WWOX: variants seen among roughly 807,000 people sequenced by gnomAD.
The protein encoded by WWOX is WW domain-containing oxidoreductase.
A neutral mutation model predicts 46.2 loss-of-function variants in WWOX; 69 were observed. The observed-to-expected ratio is 1.49, with a 90% CI of 1.23 to 1.82. The LOEUF is 1.82. WWOX is among the 40% of genes most tolerant of loss of function. The pLI, the probability that WWOX is intolerant of heterozygous loss-of-function variation, is 0.00. For synonymous variants in WWOX, 359 were observed against 202.6 expected (o/e 1.77, Z -6.56); for missense variants, 919 against 542.6 (o/e 1.69, Z -6.89).
chr16:78,731,746 A>C (rs1023209535), intron 8 of WWOX, among the ~76,000 whole-genome samples: 1 of 152,240 alleles, frequency 6.6e-6, no homozygotes, highest in Non-Finnish European at 1.5e-5. Context: ...CAGACTGGGC[A>C]GTAGTTCCCT....
chr16:78,699,547 G>A (rs576926141), intron 8 of WWOX, among the ~76,000 whole-genome samples: 4 of 152,152 alleles, frequency 2.6e-5, no homozygotes, highest in Non-Finnish European at 5.9e-5. Context: ...TCAAGAAACC[G>A]AAAAACGAAA....
In WWOX at chr16:78,612,049, G is replaced by A. The variant is rs147550235; in HGVS notation, c.1056+179297G>A. On this transcript the variant is annotated intron_variant, in intron 8 of 8. Coordinates refer to ENST00000566780, the MANE Select transcript of WWOX (RefSeq NM_016373.4). Reference sequence around the variant, plus strand: ...AGACTTCTCAAGCAAGTTGGATCCTGGTGTGCACCTGGCATATCCTTTAGG... The same window carrying A: ...AGACTTCTCAAGCAAGTTGGATCCTAGTGTGCACCTGGCATATCCTTTAGG... Among the ~76,000 whole-genome samples the A allele has an allele frequency of 3.7e-4, 56 of 152,310 alleles. 1 individual carries two copies. Among genetic ancestry groups the A allele is most frequent in the African/African-American group, 1.1e-3 (44 of 41,564 alleles).
At chr16:78,707,385 TGC>T (rs2048348104) in intron 8 of WWOX, among the ~76,000 whole-genome samples, 1 of 152,182 alleles carries the variant, frequency 6.6e-6, no homozygotes, top group Non-Finnish European at 1.5e-5. Context: ...TCCTTGTCTG[TGC>T]CACCTCACCA....
intron 8 of WWOX, among the ~76,000 whole-genome samples, chr16:78,908,541 G>A (rs1191198732): frequency 7.5e-5 from 11 of 146,076 alleles, no homozygotes; most frequent in Non-Finnish European, 1.2e-4. Flanking sequence ...CTCTGTCTCG[G>A]AAAAAAAAAA....
chr16:78,135,479 A>G (rs1002651066), intron 4 of WWOX, among the ~76,000 whole-genome samples: 1 of 152,160 alleles, frequency 6.6e-6, no homozygotes, highest in African/African-American at 2.4e-5. Context: ...TTCTAAATTC[A>G]ATTTTGTTAA....
intron 5 of WWOX, among the ~76,000 whole-genome samples, chr16:78,362,373 G>A (rs989899949): frequency 1.3e-5 from 2 of 152,158 alleles, no homozygotes; most frequent in Non-Finnish European, 2.9e-5. Context: ...ACTTTGGAAG[G>A]CCAATGCGGG....
intron 8 of WWOX, among the ~76,000 whole-genome samples, chr16:78,616,067 G>A (rs1414239813): frequency 6.6e-6 from 1 of 152,102 alleles, no homozygotes; most frequent in Non-Finnish European, 1.5e-5. Context: ...TCTTTAAGAA[G>A]AAGATAACAT....
At chr16:78,272,591 C>T (rs2079500184) in intron 5 of WWOX, among the ~76,000 whole-genome samples, 1 of 152,160 alleles carries the variant, frequency 6.6e-6, no homozygotes, top group African/African-American at 2.4e-5. Flanking sequence ...TCCACCACAG[C>T]AGGTAATAAT....
chr16:78,321,803 T>G (rs1373490310), intron 5 of WWOX, among the ~76,000 whole-genome samples: 2 of 152,126 alleles, frequency 1.3e-5, no homozygotes, highest in African/African-American at 4.8e-5. Context: ...TGTTAGTGTT[T>G]CCAGCACAGC....
At chr16:78,595,973 A>G (rs139079905) in intron 8 of WWOX, among the ~76,000 whole-genome samples, 201 of 152,356 alleles carry the variant, frequency 1.3e-3, no homozygotes, top group African/African-American at 4.3e-3. Context: ...GAACTTCAAC[A>G]TTCAAAGGGG....
chr16:79,016,235 G>A (rs985406151), intron 8 of WWOX: 3 of 152,152 alleles, frequency 2.0e-5, no homozygotes, highest in African/African-American at 7.2e-5. Context: ...TGAGTACAAT[G>A]AAATCATTAG....
At chr16:78,696,632 TGTAA>T (rs10572712) in intron 8 of WWOX, among the ~76,000 whole-genome samples, 64,533 of 151,616 alleles carry the variant, frequency 0.43, 14,028 homozygotes, top group Admixed American at 0.5. Flanking sequence ...TGTAGGCTAA[TGTAA>T]GTGTTCTTTT....
intron 8 of WWOX, among the ~76,000 whole-genome samples, chr16:78,561,447 CTTAA>C (rs1164195944): frequency 1.3e-5 from 2 of 152,122 alleles, no homozygotes; most frequent in African/African-American, 4.8e-5. Context: ...GATGTGGAGT[CTTAA>C]TTAACACTGG....
intron 8 of WWOX, among the ~76,000 whole-genome samples, chr16:79,166,913 C>T (rs2150760785): frequency 1.3e-5 from 2 of 152,062 alleles, no homozygotes; most frequent in African/African-American, 4.8e-5. Flanking sequence ...GTATACAACA[C>T]TCGGTAAATT....
chr16:78,408,611 T>C (rs1389761286), intron 6 of WWOX, among the ~76,000 whole-genome samples: 1 of 152,208 alleles, frequency 6.6e-6, no homozygotes, highest in Non-Finnish European at 1.5e-5. Context: ...TACGTAGCTA[T>C]CTATTGGTAA....
intron 8 of WWOX, among the ~76,000 whole-genome samples, chr16:78,531,763 C>A (rs2043628076): frequency 1.3e-5 from 2 of 152,084 alleles, no homozygotes; most frequent in African/African-American, 4.8e-5. Context: ...GAGGCTGAGA[C>A]AGGAGAATCA....
At chr16:78,158,236 T>C (rs2034669641) in intron 4 of WWOX, among the ~76,000 whole-genome samples, 1 of 152,234 alleles carries the variant, frequency 6.6e-6, no homozygotes, top group Non-Finnish European at 1.5e-5. Flanking sequence ...GATAACGGTA[T>C]GCTGATTTTG....
chr16:78,923,105 G>A (rs2045417406), intron 8 of WWOX, among the ~76,000 whole-genome samples: 1 of 150,670 alleles, frequency 6.6e-6, no homozygotes, highest in Non-Finnish European at 1.5e-5. Context: ...CCTCAGCCTT[G>A]CGAGTAGCTG....
chr16:78,950,342 G>C (rs957049837), intron 8 of WWOX, among the ~76,000 whole-genome samples: 1 of 152,170 alleles, frequency 6.6e-6, no homozygotes, highest in East Asian at 1.9e-4. Flanking sequence ...AGGAGAAGTT[G>C]AGTACTTTTC....
Sources: allele counts gnomAD v4.1 joint callset (sites outside exome capture counted in the v4.1 genomes callset), GRCh38; gene constraint gnomAD v4.1.1; transcripts MANE v1.5; gene names NCBI Gene and HGNC (gene_info 2026-07-23, HGNC 2026-07-21).